Variants in CACNA2D1 observed in about 807,000 individuals in gnomAD.
CACNA2D1 encodes the protein voltage-dependent calcium channel subunit alpha-2/delta-1.
A neutral mutation model predicts 171.5 loss-of-function variants in CACNA2D1; 53 were observed. The observed-to-expected ratio is 0.31, with a 90% CI of 0.25 to 0.39. CACNA2D1 has a LOEUF of 0.39. CACNA2D1 is among the 10% of genes least tolerant of loss of function. CACNA2D1 has a pLI of 1.00. For synonymous variants in CACNA2D1, 442 were observed against 443.1 expected (o/e 1.00, Z 0.03); for missense variants, 903 against 1,299.8 (o/e 0.69, Z 4.69).
chr7:81,955,389 AT>A (rs1306109006), intron 38 of CACNA2D1, among the ~76,000 whole-genome samples: 1 of 152,252 alleles, frequency 6.6e-6, no homozygotes, highest in South Asian at 2.1e-4. Context: ...ACATTTCAGT[AT>A]TTTTTGTAAT....
chr7:82,402,046 G>A (rs1028420542), intron 1 of CACNA2D1, among the ~76,000 whole-genome samples: 2 of 152,150 alleles, frequency 1.3e-5, no homozygotes, highest in Admixed American at 6.6e-5. Context: ...ATGGCAATAC[G>A]ATGTGATAAA....
chr7:82,080,601 A>G (rs1355045889), intron 7 of CACNA2D1, among the ~76,000 whole-genome samples: 1 of 152,264 alleles, frequency 6.6e-6, no homozygotes, highest in Non-Finnish European at 1.5e-5. Context: ...CAAATATTGC[A>G]TGAAGCATAC....
intron 3 of CACNA2D1, among the ~76,000 whole-genome samples, chr7:82,174,629 A>T (rs1457009228): frequency 6.6e-6 from 1 of 152,156 alleles, no homozygotes; most frequent in African/African-American, 2.4e-5. Flanking sequence ...ATATGAAGAC[A>T]GAGTAATATC....
At chr7:82,301,281 C>G (rs535586440) in intron 3 of CACNA2D1, among the ~76,000 whole-genome samples, 260 of 152,186 alleles carry the variant, frequency 1.7e-3, no homozygotes, top group Admixed American at 2.6e-3. Flanking sequence ...CATGCGCCAC[C>G]ACACCCGGTT....
intron 3 of CACNA2D1, among the ~76,000 whole-genome samples, chr7:82,276,121 T>G (rs979247019): frequency 6.6e-6 from 1 of 152,228 alleles, no homozygotes; most frequent in East Asian, 1.9e-4. Context: ...AGAAGAGTGT[T>G]TGGAGACAGC....
chr7:82,162,415 C>T lies in CACNA2D1; in HGVS notation c.354+8135G>A, dbSNP rs533732927. Among the ~76,000 whole-genome samples, 10 of 151,884 alleles carry T rather than the reference C, an allele frequency of 6.6e-5. No homozygotes were observed. In the East Asian group the frequency reaches 1.6e-3, roughly 24 times the overall value. On this transcript the variant is annotated intron_variant, in intron 4 of 38. Transcript: ENST00000356860. ...CATAAGAAAGAAATCCACGGCTAGG[C>T]TGGTTTGGAAGGTTGTAAGTTGATG... is the stretch of plus-strand genomic sequence containing the variant.
intron 4 of CACNA2D1, among the ~76,000 whole-genome samples, chr7:82,139,949 T>TATC: frequency 1.0e-5 from 1 of 99,350 alleles, no homozygotes; most frequent in Middle Eastern, 4.6e-3. Context: ...ACCTGGCTAT[T>TATC]ATTATTATTA....
At chr7:82,203,311 C>T (rs138842835) in intron 3 of CACNA2D1, among the ~76,000 whole-genome samples, 56 of 152,204 alleles carry the variant, frequency 3.7e-4, no homozygotes, top group Admixed American at 9.2e-4. Flanking sequence ...CTTGATGGAC[C>T]GCTTGACAGT....
At chr7:82,036,053 T>TGA (rs1803255492) in intron 11 of CACNA2D1, among the ~76,000 whole-genome samples, 1 of 152,180 alleles carries the variant, frequency 6.6e-6, no homozygotes, top group African/African-American at 2.4e-5. Context: ...GAGCTATTTC[T>TGA]ACCCCCACAT....
In CACNA2D1 at chr7:82,335,547, G is replaced by A. The variant is rs76573237; in HGVS notation, c.178-296C>T. 2.9e-3 allele frequency among the ~76,000 whole-genome samples: 444 copies of A among 152,220 alleles called. 1 individual carries two copies. Among genetic ancestry groups the A allele is most frequent in the Middle Eastern group, 0.024 (7 of 294 alleles). ...TGCTGCACTCTCCAATCTCGAAACT[G>A]GGTATTATCTGTCATCAGCATCGTA... is the stretch of plus-strand genomic sequence containing the variant. On this transcript the variant is annotated intron_variant, in intron 2 of 38. Transcript: ENST00000356860.
chr7:82,118,965 T>C (rs1584813346), intron 5 of CACNA2D1, among the ~76,000 whole-genome samples: 1 of 152,124 alleles, frequency 6.6e-6, no homozygotes, highest in South Asian at 2.1e-4. Flanking sequence ...GAAACTACTG[T>C]TCCTTATACC....
chr7:82,163,998 G>T (rs1219808903), intron 4 of CACNA2D1, among the ~76,000 whole-genome samples: 1 of 151,824 alleles, frequency 6.6e-6, no homozygotes, highest in Admixed American at 6.6e-5. Flanking sequence ...ATTCAAATAG[G>T]CTATTATTTT....
intron 3 of CACNA2D1, among the ~76,000 whole-genome samples, chr7:82,245,937 A>G (rs1804867215): frequency 6.6e-6 from 1 of 152,146 alleles, no homozygotes; most frequent in Admixed American, 6.6e-5. Flanking sequence ...CTTCATAGTT[A>G]TCAGTGACCT....
chr7:82,235,516 C>T (rs1803482093), intron 3 of CACNA2D1, among the ~76,000 whole-genome samples: 1 of 152,148 alleles, frequency 6.6e-6, no homozygotes, highest in Non-Finnish European at 1.5e-5. Context: ...ATGCCATCCT[C>T]ACATTATCAC....
intron 3 of CACNA2D1, among the ~76,000 whole-genome samples, chr7:82,264,891 A>C (rs1241180407): frequency 6.6e-6 from 1 of 152,178 alleles, no homozygotes; most frequent in Non-Finnish European, 1.5e-5. Context: ...AGAGTCCCCT[A>C]ATCAGATATC....
At chr7:82,145,412 T>G (rs1792890642) in intron 4 of CACNA2D1, among the ~76,000 whole-genome samples, 2 of 144,478 alleles carry the variant, frequency 1.4e-5, no homozygotes, top group African/African-American at 5.0e-5. Context: ...TTGCATATTA[T>G]ATATTATGTA....
At chr7:82,387,145 G>A (rs1824501686) in intron 1 of CACNA2D1, among the ~76,000 whole-genome samples, 2 of 152,076 alleles carry the variant, frequency 1.3e-5, no homozygotes. Context: ...ATCATTAAAT[G>A]CCCTCACTAT....
chr7:82,408,985 G>A (rs976853374), intron 1 of CACNA2D1, among the ~76,000 whole-genome samples: 1 of 151,888 alleles, frequency 6.6e-6, no homozygotes, highest in Admixed American at 6.6e-5. Context: ...CATAGCTTCT[G>A]TGAAGGCTCT....
chr7:82,257,851 T>C (rs1806487200), intron 3 of CACNA2D1, among the ~76,000 whole-genome samples: 1 of 152,216 alleles, frequency 6.6e-6, no homozygotes, highest in Admixed American at 6.5e-5. Context: ...ACTACAGGTT[T>C]TAATCATATT....
Sources: allele counts gnomAD v4.1 joint callset (sites outside exome capture counted in the v4.1 genomes callset), GRCh38; gene constraint gnomAD v4.1.1; transcripts MANE v1.5; gene names NCBI Gene and HGNC (gene_info 2026-07-23, HGNC 2026-07-21).